The following C5orf34 variants were observed in gnomAD, a reference collection of about 807,000 sequenced individuals.
The protein encoded by C5orf34 is chromosome 5 open reading frame 34, also known as uncharacterized protein C5orf34.
C5orf34 carries 73 observed loss-of-function variants against 78.4 expected under a neutral mutation model. The ratio of observed to expected loss-of-function variants is 0.93; its 90% CI spans 0.77 to 1.13. The LOEUF is 1.13. Among genes scored for constraint, C5orf34 ranks in the 50% most tolerant of loss-of-function variants. C5orf34 has a pLI of 0.00. For synonymous variants in C5orf34, 251 were observed against 246.6 expected (o/e 1.02, Z -0.17); for missense variants, 730 against 732.7 (o/e 1.00, Z 0.04).
chr5:43,494,755 C>G (rs546579532), intron 6 of C5orf34, 154 bp from the exon 7 acceptor site: 7 of 509,154 alleles, frequency 1.4e-5, no homozygotes, highest in African/African-American at 1.4e-4. Context: ...TTTTATGATG[C>G]TTTTTCATTT....
intron 10 of C5orf34, among the ~76,000 whole-genome samples, chr5:43,491,401 C>G (rs1479174619): frequency 2.6e-5 from 4 of 152,082 alleles, no homozygotes; most frequent in Non-Finnish European, 5.9e-5. Flanking sequence ...TGAATATTCT[C>G]AAGTGAAATC....
At position 43,511,044 on chromosome 5, in the gene C5orf34, T is replaced by C. The variant is rs1334468729; in HGVS notation, c.-36-1669A>G. Reference sequence around the variant, plus strand: ...TCGTCTGAGATGTGGGGAGCGCCTCTGCCCCGCCGCCCCGTCTGGGATGTG... The same window carrying C: ...TCGTCTGAGATGTGGGGAGCGCCTCCGCCCCGCCGCCCCGTCTGGGATGTG... On this transcript the variant is annotated intron_variant, in intron 1 of 12. Coordinates refer to ENST00000306862, the MANE Select transcript of C5orf34 (RefSeq NM_198566.4). 3.8e-3 allele frequency: 728 copies of C among 191,524 alleles called. 5 individuals carry two copies. The highest frequency in any genetic ancestry group is 0.016 in the African/African-American group (646 of 40,760). 11.9% of individuals were successfully genotyped at this position (191,524 alleles called of 1,614,324 possible).
At chr5:43,500,607 G>T (rs763192017) in intron 6 of C5orf34, among the ~76,000 whole-genome samples, 13 of 152,142 alleles carry the variant, frequency 8.5e-5, no homozygotes, top group Non-Finnish European at 7.3e-5. Context: ...TGTTGGCTGG[G>T]CTTGTCTCGA....
At chr5:43,503,354 A>G (rs373019520) in intron 5 of C5orf34, among the ~76,000 whole-genome samples, 5 of 152,224 alleles carry the variant, frequency 3.3e-5, no homozygotes, top group Non-Finnish European at 5.9e-5. Flanking sequence ...TGATCCTCCA[A>G]TGCTTGGAAG....
chr5:43,487,936 C>T lies in C5orf34; in HGVS notation c.1693G>A (p.Glu565Lys). 1 of 1,605,136 alleles carries T rather than the reference C, an allele frequency of 6.2e-7. No homozygotes were observed. The highest frequency in any genetic ancestry group is 2.2e-5 in the East Asian group (1 of 44,660). ...VLQENWSVAS[E>K]LEKIQKFNLL... Reference sequence around the variant, plus strand: ...TTAAACTTCTGTATCTTTTCAAGTTCAGAAGCAACAGACCTGTCCAAGGAA... The same window carrying T: ...TTAAACTTCTGTATCTTTTCAAGTTTAGAAGCAACAGACCTGTCCAAGGAA... Residue 565 changes from glutamate (E) to lysine (K), a missense_variant, in exon 12 of 13, where the codon GAA becomes AAA. Coordinates refer to ENST00000306862, the MANE Select transcript of C5orf34 (RefSeq NM_198566.4).
At chr5:43,506,877 CAGAACAACTCAGA>C (rs1226781862) in intron 3 of C5orf34, among the ~76,000 whole-genome samples, 1 of 150,528 alleles carries the variant, frequency 6.6e-6, no homozygotes, top group African/African-American at 2.4e-5. Flanking sequence ...AAATTATTGA[CAGAACAACTCAGA>C]AAATTCAAAA....
chr5:43,495,641 T>C (rs1378124773), intron 6 of C5orf34: 3 of 1,595,798 alleles, frequency 1.9e-6, no homozygotes, highest in South Asian at 1.1e-5. Context: ...CACACCAGGT[T>C]TGAGAACACC....
intron 6 of C5orf34, among the ~76,000 whole-genome samples, chr5:43,501,921 T>G (rs1259309851): frequency 6.6e-6 from 1 of 152,220 alleles, no homozygotes; most frequent in African/African-American, 2.4e-5. Context: ...ATGTTATGTT[T>G]CACTGTTTTC....
chr5:43,489,993 A>T (rs1745214919), intron 11 of C5orf34, among the ~76,000 whole-genome samples: 1 of 152,080 alleles, frequency 6.6e-6, no homozygotes. Flanking sequence ...TAGCCCTCAA[A>T]ACTCATACTA....
In C5orf34 at chr5:43,490,652, G is replaced by C. The variant is rs1474392195; in HGVS notation, c.1658C>G (p.Ser553Cys). The change falls in exon 11 of 13, where the codon TCT becomes TGT. Residue 553 changes from serine (S) to cysteine (C), a missense_variant. Transcript: ENST00000306862. The part of the protein sequence containing the change: ...SPREMPTHSS[S>C]SVLQENWSVA... ...ATACCAATTTTCTTGGAGAACAGAA[G>C]ATGACGAATGAGTGGGCATCTCTCT... 1.3e-5 allele frequency: 21 copies of C among 1,608,134 alleles called. No individual in the cohort carries two copies. Among genetic ancestry groups the C allele is most frequent in the Non-Finnish European group, 1.8e-5 (21 of 1,174,960 alleles).
At position 43,513,071 on chromosome 5, in the gene C5orf34, C is replaced by T. The variant is rs141355413; in HGVS notation, c.-37+1735G>A. 9.9e-5 allele frequency among the ~76,000 whole-genome samples: 15 copies of T among 152,208 alleles called. No homozygotes were observed. The East Asian group carries it at 1.2e-3, about 12-fold the overall frequency. ...TGCTGGGATTACAGGCGTGAGCCAC[C>T]GCACCTGGCCCACCTTGTCTTTTTT... On this transcript the variant is annotated intron_variant, in intron 1 of 12. Coordinates refer to ENST00000306862, the MANE Select transcript of C5orf34 (RefSeq NM_198566.4).
At chr5:43,510,444 CACGGTCTCCCTCTCCCTCTCTTTCT>C (rs981755125) in intron 1 of C5orf34, among the ~76,000 whole-genome samples, 35 of 152,250 alleles carry the variant, frequency 2.3e-4, no homozygotes, top group Middle Eastern at 3.4e-3. Context: ...TCCCTCTCCC[CACGGTCTCCCTCTCCCTCTCTTTCT>C]ACGGTCTCCC....
intron 6 of C5orf34, among the ~76,000 whole-genome samples, chr5:43,499,804 C>T (rs1251484111): frequency 6.6e-6 from 1 of 152,220 alleles, no homozygotes; most frequent in Non-Finnish European, 1.5e-5. Context: ...ACATCTACCT[C>T]ATTCTTTTCA....
At chr5:43,487,155 T>C (rs1389826074) in intron 12 of C5orf34, 44 bp from the exon 13 acceptor site, 3 of 940,284 alleles carry the variant, frequency 3.2e-6, no homozygotes, top group Non-Finnish European at 4.6e-6. Flanking sequence ...TTTTTCACTA[T>C]ATAAATATCT....
intron 5 of C5orf34, among the ~76,000 whole-genome samples, chr5:43,503,404 G>A (rs1462465406): frequency 1.3e-5 from 2 of 152,162 alleles, no homozygotes; most frequent in African/African-American, 4.8e-5. Flanking sequence ...ACATTCACTA[G>A]CAAACCAATC....
chr5:43,504,183 T>G (rs1745883446), intron 4 of C5orf34, among the ~76,000 whole-genome samples: 1 of 151,776 alleles, frequency 6.6e-6, no homozygotes, highest in African/African-American at 2.4e-5. Context: ...GGCACGTGCC[T>G]GTAATCCCAG....
At chr5:43,503,363 A>T (rs1745843334) in intron 5 of C5orf34, among the ~76,000 whole-genome samples, 2 of 152,238 alleles carry the variant, frequency 1.3e-5, no homozygotes, top group Admixed American at 1.3e-4. Flanking sequence ...AATGCTTGGA[A>T]GGAGTATCCT....
intron 10 of C5orf34, among the ~76,000 whole-genome samples, 171 bp from the exon 11 acceptor site, chr5:43,490,900 C>T (rs577959854): frequency 6.6e-6 from 1 of 151,918 alleles, no homozygotes; most frequent in African/African-American, 2.4e-5. Context: ...CATAGAAAAG[C>T]CAAATTTTTT....
At chr5:43,495,718 G>A (rs893833379) in intron 6 of C5orf34, 2 of 1,580,654 alleles carry the variant, frequency 1.3e-6, no homozygotes, top group African/African-American at 2.7e-5. Flanking sequence ...GGAGAGGCAG[G>A]CGCAAGGGCT....
Sources: allele counts gnomAD v4.1 joint callset (sites outside exome capture counted in the v4.1 genomes callset), GRCh38; gene constraint gnomAD v4.1.1; transcripts MANE v1.5; gene names NCBI Gene and HGNC (gene_info 2026-07-23, HGNC 2026-07-21).